The following PRKN variants were observed in gnomAD, a reference collection of about 807,000 sequenced individuals.
PRKN encodes the protein E3 ubiquitin-protein ligase parkin.
In PRKN, 56 loss-of-function variants were observed where a neutral mutation model predicts 59.5. That is an observed-to-expected ratio of 0.94 (90% CI 0.76 to 1.18). PRKN has a LOEUF of 1.18. Ranked by LOEUF, PRKN falls within the 50% of genes most tolerant of loss-of-function variation. The probability of loss-of-function intolerance (pLI) is 0.00; values close to 1 mark genes in which losing one functional copy is unlikely to be tolerated. For missense variants in PRKN, 657 were observed against 596.4 expected, an observed-to-expected ratio of 1.10 and a Z score of -1.06; for synonymous variants, 250 against 222.1, an observed-to-expected ratio of 1.13 and a Z score of -1.12.
intron 9 of PRKN, among the ~76,000 whole-genome samples, chr6:161,421,151 C>T (rs1233081029): frequency 6.6e-6 from 1 of 152,128 alleles, no homozygotes; most frequent in Admixed American, 6.5e-5. Context: ...AGCCTTTACC[C>T]TCCAGGCACT....
At position 161,686,873 on chromosome 6, in the gene PRKN, A is replaced by C. The variant is rs980658867; in HGVS notation, c.871+98899T>G. Among the ~76,000 whole-genome samples, 5 of 152,170 alleles carry C rather than the reference A, an allele frequency of 3.3e-5. No homozygotes were observed. In the South Asian group the frequency reaches 1.0e-3, roughly 32 times the overall value. ...ATGGCCCCACACTGCACACATCCCT[A>C]CAGTACCAGGAACCACGCCTGACCT... On this transcript the variant is annotated intron_variant, in intron 7 of 11. Coordinates refer to ENST00000366898, the MANE Select transcript of PRKN (RefSeq NM_004562.3).
Position 161,407,453 on chromosome 6 carries a change from C to T in PRKN, c.1084-20576G>A, listed in dbSNP as rs550079548. On this transcript the variant is annotated intron_variant, in intron 9 of 11. Coordinates refer to ENST00000366898, the MANE Select transcript of PRKN (RefSeq NM_004562.3). This position sits in a 1 kb window ranked among gnomAD's most constrained non-coding sequence, Gnocchi z 4.9. ...CTAAGATGACATTAATGGTAAAAAG[C>T]ACCTTCAATTTAATAGTGGCTTGAC... Among the ~76,000 whole-genome samples the T allele has an allele frequency of 3.3e-5, 5 of 152,168 alleles. No individual in the cohort carries two copies. Among genetic ancestry groups the T allele is most frequent in the South Asian group, 4.2e-4 (2 of 4,812 alleles).
At chr6:161,616,227 TATTTCATTTGCGA>T (rs1582895111) in intron 7 of PRKN, among the ~76,000 whole-genome samples, 1 of 152,160 alleles carries the variant, frequency 6.6e-6, no homozygotes, top group Non-Finnish European at 1.5e-5. Context: ...GAGTAAAAGG[TATTTCATTTGCGA>T]AAGCAACACA....
rs115357727 is a variant in PRKN, at chr6:161,805,240, C to T, written c.735-19332G>A. Among the ~76,000 whole-genome samples the T allele has an allele frequency of 3.0e-3, 457 of 152,266 alleles. 2 individuals are homozygous for T. Among genetic ancestry groups the T allele is most frequent in the African/African-American group, 0.01 (432 of 41,528 alleles). ...CAAGTCAATAAATCCCCTCTGTCGC[C>T]TCAACTTGAAACTGCCTGTTCTTCG... is the stretch of plus-strand genomic sequence containing the variant. On this transcript the variant is annotated intron_variant, in intron 6 of 11. Coordinates refer to ENST00000366898, the MANE Select transcript of PRKN (RefSeq NM_004562.3).
chr6:162,147,037 T>G (rs1278335557), intron 4 of PRKN, among the ~76,000 whole-genome samples: 1 of 150,754 alleles, frequency 6.6e-6, no homozygotes, highest in African/African-American at 2.4e-5. Flanking sequence ...GGCCTTTTTT[T>G]ATTTTGTCTA....
intron 4 of PRKN, among the ~76,000 whole-genome samples, chr6:162,126,929 T>C (rs1781150062): frequency 1.3e-5 from 2 of 152,238 alleles, no homozygotes; most frequent in African/African-American, 4.8e-5. Flanking sequence ...GCACTTTGCA[T>C]TTATTCAGTT....
Position 161,499,476 on chromosome 6 carries a change from C to T in PRKN, c.1083+49378G>A, listed in dbSNP as rs112755162. On this transcript the variant is annotated intron_variant, in intron 9 of 11. Coordinates refer to ENST00000366898, the MANE Select transcript of PRKN (RefSeq NM_004562.3). The surrounding 1 kb of genome is among the most constrained non-coding windows in gnomAD (Gnocchi z 4.2). ...AGTGTTTCCCACCCCTCATTTCTCT[C>T]GTTCATGTCACCTGTTGCTTCTTAT... is the stretch of plus-strand genomic sequence containing the variant. Among the ~76,000 whole-genome samples, 675 of 152,216 alleles carry T rather than the reference C, an allele frequency of 4.4e-3. 5 individuals carry two copies. Among genetic ancestry groups the T allele is most frequent in the African/African-American group, 0.015 (633 of 41,538 alleles).
intron 5 of PRKN, among the ~76,000 whole-genome samples, chr6:162,038,703 T>C (rs1481493862): frequency 1.3e-5 from 2 of 152,168 alleles, no homozygotes; most frequent in African/African-American, 4.8e-5. Context: ...GTCACTGATG[T>C]TGACTTGAAA....
intron 1 of PRKN, among the ~76,000 whole-genome samples, chr6:162,472,438 C>A (rs1219720546): frequency 1.4e-5 from 2 of 142,092 alleles, no homozygotes; most frequent in Non-Finnish European, 3.0e-5. Flanking sequence ...TGAGTGAGAA[C>A]ATGCAGTCCA....
At chr6:161,723,526 C>A (rs1409037271) in intron 7 of PRKN, among the ~76,000 whole-genome samples, 1 of 151,978 alleles carries the variant, frequency 6.6e-6, no homozygotes, top group South Asian at 2.1e-4. Context: ...CTGTTGTTGG[C>A]GGCTGGGAGA....
chr6:162,699,129 T>C (rs1778065953), intron 1 of PRKN, among the ~76,000 whole-genome samples: 1 of 152,344 alleles, frequency 6.6e-6, no homozygotes, highest in South Asian at 2.1e-4. Flanking sequence ...CATGTCAATA[T>C]GCTTTAGATC....
chr6:162,473,234 CATG>C (rs1249676342), intron 1 of PRKN, among the ~76,000 whole-genome samples: 2 of 152,110 alleles, frequency 1.3e-5, no homozygotes. Flanking sequence ...ATGGAAGCAC[CATG>C]ATGTGAAGCA....
intron 4 of PRKN, among the ~76,000 whole-genome samples, chr6:162,094,323 C>G (rs1418212422): frequency 6.6e-6 from 1 of 151,972 alleles, no homozygotes; most frequent in African/African-American, 2.4e-5. Flanking sequence ...GAGCCCATCT[C>G]TACTAAAAAA....
chr6:161,650,964 A>G (rs1465209119), intron 7 of PRKN, among the ~76,000 whole-genome samples: 1 of 152,220 alleles, frequency 6.6e-6, no homozygotes, highest in Non-Finnish European at 1.5e-5. Context: ...AAATTGTTAC[A>G]TAATACGTTT....
intron 7 of PRKN, among the ~76,000 whole-genome samples, chr6:161,662,639 C>T (rs1784588492): frequency 6.6e-6 from 1 of 150,432 alleles, no homozygotes; most frequent in Admixed American, 6.6e-5. Context: ...AGACCTCCAA[C>T]TTTAGCAAAG....
rs144501949 is a variant in PRKN at position 161,898,388 on chromosome 6, T to C, written c.734+74914A>G. Among the ~76,000 whole-genome samples the C allele has an allele frequency of 2.2e-3, 328 of 152,332 alleles. 1 individual carries two copies. Among genetic ancestry groups the C allele is most frequent in the African/African-American group, 7.4e-3 (309 of 41,582 alleles). On this transcript the variant is annotated intron_variant, in intron 6 of 11. Transcript: ENST00000366898. Reference sequence around the variant, plus strand: ...CGAGCAATAATATTTACGCATTACATCTGTATATTGCTTTACACTGTTCAC... The same window carrying C: ...CGAGCAATAATATTTACGCATTACACCTGTATATTGCTTTACACTGTTCAC...
intron 6 of PRKN, among the ~76,000 whole-genome samples, chr6:161,827,079 T>A (rs1792277813): frequency 6.6e-6 from 1 of 152,186 alleles, no homozygotes; most frequent in Admixed American, 6.5e-5. Context: ...GAAAATTCTG[T>A]CTGCCTAACT....
intron 7 of PRKN, among the ~76,000 whole-genome samples, chr6:161,621,009 T>C (rs1254164985): frequency 1.3e-5 from 2 of 152,096 alleles, no homozygotes; most frequent in Non-Finnish European, 2.9e-5. Context: ...CTGTCCACCT[T>C]TATGTTCGGT....
chr6:162,265,969 C>T (rs950165314), intron 2 of PRKN, among the ~76,000 whole-genome samples: 1 of 152,178 alleles, frequency 6.6e-6, no homozygotes, highest in East Asian at 1.9e-4. Flanking sequence ...TGATCAGCTC[C>T]GTGTCAGGCA....
Sources: gnomAD v4.1 joint callset for allele counts (sites outside exome capture counted in the v4.1 genomes callset) on GRCh38, gnomAD v4.1.1 for gene constraint, Gnocchi (gnomAD v3.1) non-coding constraint, MANE v1.5 for transcripts, NCBI Gene and HGNC (gene_info 2026-07-23, HGNC 2026-07-21) for gene names.